SLC24A3: variants seen among roughly 807,000 people sequenced by gnomAD.
The protein encoded by SLC24A3 is solute carrier family 24 member 3.
SLC24A3 carries 28 observed loss-of-function variants against 75.8 expected under a neutral mutation model. The ratio of observed to expected loss-of-function variants is 0.37; its 90% CI spans 0.27 to 0.51. The LOEUF is 0.51. SLC24A3 is among the 20% of genes least tolerant of loss of function. The pLI is 0.94. For missense variants in SLC24A3, 663 were observed against 847.8 expected, an observed-to-expected ratio of 0.78 and a Z score of 2.71; for synonymous variants, 372 against 334.1, an observed-to-expected ratio of 1.11 and a Z score of -1.24.
At chr20:19,348,357 C>T (rs1985479886) in intron 2 of SLC24A3, among the ~76,000 whole-genome samples, 1 of 152,160 alleles carries the variant, frequency 6.6e-6, no homozygotes, top group East Asian at 1.9e-4. Context: ...CCACATGTGG[C>T]AAACACAGTC....
intron 9 of SLC24A3, among the ~76,000 whole-genome samples, chr20:19,677,625 C>T (rs1287981890): frequency 6.6e-6 from 1 of 150,900 alleles, no homozygotes; most frequent in African/African-American, 2.4e-5. Context: ...ACAAAAATTC[C>T]AGTATACATC....
At chr20:19,594,191 C>T (rs2031420195) in intron 6 of SLC24A3, among the ~76,000 whole-genome samples, 1 of 152,228 alleles carries the variant, frequency 6.6e-6, no homozygotes, top group Admixed American at 6.5e-5. Context: ...GCAGGGAAGG[C>T]TTCCACCTCT....
At chr20:19,312,698 A>G (rs1041484050) in intron 2 of SLC24A3, among the ~76,000 whole-genome samples, 2 of 152,160 alleles carry the variant, frequency 1.3e-5, no homozygotes, top group Non-Finnish European at 2.9e-5. Context: ...TGTTGCCCTC[A>G]CACCTTTTGT....
At chr20:19,286,570 C>T (rs950898202) in intron 2 of SLC24A3, among the ~76,000 whole-genome samples, 14 of 152,112 alleles carry the variant, frequency 9.2e-5, no homozygotes, top group African/African-American at 2.4e-4. Flanking sequence ...GATAAACAAC[C>T]GCCCAAGGTC....
chr20:19,276,140 C>G (rs890370793), intron 1 of SLC24A3, among the ~76,000 whole-genome samples: 2 of 152,172 alleles, frequency 1.3e-5, no homozygotes, highest in African/African-American at 4.8e-5. Context: ...GTATCCCCTT[C>G]ACCTTCCCAC....
intron 2 of SLC24A3, among the ~76,000 whole-genome samples, chr20:19,455,964 T>C (rs564439408): frequency 6.6e-6 from 1 of 152,362 alleles, no homozygotes; most frequent in African/African-American, 2.4e-5. Context: ...GTTGGATATT[T>C]TGACATAGAT....
chr20:19,650,895 A>G (rs921818222), intron 6 of SLC24A3, among the ~76,000 whole-genome samples: 3 of 152,128 alleles, frequency 2.0e-5, no homozygotes. Flanking sequence ...GTTCAAAATT[A>G]TCAACTGTTT....
chr20:19,252,650 G>GT (rs1555783955), intron 1 of SLC24A3, among the ~76,000 whole-genome samples: 1 of 148,136 alleles, frequency 6.8e-6, no homozygotes, highest in Non-Finnish European at 1.5e-5. Flanking sequence ...TGGCGGGGGG[G>GT]GGTGCCTGTT....
intron 6 of SLC24A3, among the ~76,000 whole-genome samples, chr20:19,650,841 T>C (rs2032194629): frequency 6.6e-6 from 1 of 152,186 alleles, no homozygotes; most frequent in African/African-American, 2.4e-5. Context: ...CTTGCTTAGT[T>C]TTCTATGTTC....
chr20:19,472,964 T>C (rs910008056), intron 2 of SLC24A3, among the ~76,000 whole-genome samples: 4 of 152,208 alleles, frequency 2.6e-5, no homozygotes, highest in African/African-American at 9.7e-5. Context: ...GTTTAGCCCA[T>C]TGAACAGCAC....
At chr20:19,592,509 C>T (rs539287157) in intron 6 of SLC24A3, among the ~76,000 whole-genome samples, 76 of 152,240 alleles carry the variant, frequency 5.0e-4, no homozygotes, top group South Asian at 1.7e-3. Flanking sequence ...ATAATCAGCA[C>T]GGTGCAATGG....
chr20:19,532,374 G>A (rs73902468), intron 3 of SLC24A3, among the ~76,000 whole-genome samples: 143 of 152,254 alleles, frequency 9.4e-4, no homozygotes, highest in African/African-American at 3.3e-3. Context: ...TCCACAAGGG[G>A]CATTGCATCC....
chr20:19,359,640 G>T (rs1985751306), intron 2 of SLC24A3, among the ~76,000 whole-genome samples: 1 of 152,186 alleles, frequency 6.6e-6, no homozygotes, highest in African/African-American at 2.4e-5. Context: ...CCAGCCCCAG[G>T]TGCCTCAGCC....
intron 6 of SLC24A3, among the ~76,000 whole-genome samples, chr20:19,621,194 C>G (rs2031799515): frequency 6.6e-6 from 1 of 152,220 alleles, no homozygotes; most frequent in Non-Finnish European, 1.5e-5. Context: ...ATTAACATCT[C>G]CCCATCTGTG....
intron 7 of SLC24A3, among the ~76,000 whole-genome samples, chr20:19,656,483 C>T (rs772475868): frequency 3.3e-5 from 5 of 152,176 alleles, no homozygotes; most frequent in Admixed American, 6.5e-5. Flanking sequence ...GGTATGATCA[C>T]CTGGAACCCA....
chr20:19,254,464 G>A (rs1179191304), intron 1 of SLC24A3, among the ~76,000 whole-genome samples: 1 of 152,146 alleles, frequency 6.6e-6, no homozygotes. Flanking sequence ...CACGTTTTGG[G>A]GACAAAAGCA....
chr20:19,433,144 C>G (rs1356023502), intron 2 of SLC24A3, among the ~76,000 whole-genome samples: 1 of 152,108 alleles, frequency 6.6e-6, no homozygotes, highest in Non-Finnish European at 1.5e-5. Flanking sequence ...GCCCTTTCTC[C>G]GCAATGTATC....
At chr20:19,336,442 G>A (rs1285302298) in intron 2 of SLC24A3, among the ~76,000 whole-genome samples, 2 of 151,228 alleles carry the variant, frequency 1.3e-5, no homozygotes, top group Non-Finnish European at 2.9e-5. Context: ...TGTCACCCAG[G>A]CTGGCATGCC....
At chr20:19,706,724 G>A (rs1320046218) in intron 15 of SLC24A3, among the ~76,000 whole-genome samples, 4 of 151,988 alleles carry the variant, frequency 2.6e-5, no homozygotes, top group South Asian at 2.1e-4. Context: ...GGAGAGGTAC[G>A]GTCATGTGTG....
Sources: gnomAD v4.1 joint callset for allele counts (sites outside exome capture counted in the v4.1 genomes callset) on GRCh38, gnomAD v4.1.1 for gene constraint, MANE v1.5 for transcripts, NCBI Gene and HGNC (gene_info 2026-07-23, HGNC 2026-07-21) for gene names.